The following MTHFD2L variants were observed in gnomAD, a reference collection of about 807,000 sequenced individuals.
MTHFD2L encodes methylenetetrahydrofolate dehydrogenase (NADP+ dependent) 2 like.
In MTHFD2L, 29 loss-of-function variants were observed where a neutral mutation model predicts 34.9. That is an observed-to-expected ratio of 0.83 (90% CI 0.62 to 1.13). MTHFD2L has a LOEUF of 1.13. Among genes scored for constraint, MTHFD2L ranks in the 50% most tolerant of loss-of-function variants. MTHFD2L has a pLI of 0.00. For missense variants in MTHFD2L, 481 were observed against 446.5 expected (o/e 1.08, Z -0.70); for synonymous variants, 167 against 155.7 (o/e 1.07, Z -0.54).
At chr4:74,118,781 T>C (rs1721699312), upstream of MTHFD2L, among the ~76,000 whole-genome samples, 1 of 152,214 alleles carries the variant, frequency 6.6e-6, no homozygotes, top group South Asian at 2.1e-4. Context: ...GAGCAAAGCT[T>C]CATCTGTATT....
intron 1 of MTHFD2L, among the ~76,000 whole-genome samples, chr4:74,131,321 C>T (rs1722479643): frequency 6.6e-6 from 1 of 152,166 alleles, no homozygotes; most frequent in African/African-American, 2.4e-5. Flanking sequence ...ATCATGCTAC[C>T]TGACTTCAAA....
chr4:74,202,915 A>G (rs1381750407), intron 5 of MTHFD2L, among the ~76,000 whole-genome samples: 1 of 152,054 alleles, frequency 6.6e-6, no homozygotes, highest in African/African-American at 2.4e-5. Flanking sequence ...ATATATATAG[A>G]TTTCTTATTA....
At chr4:74,166,200 A>C (rs560837426) in intron 1 of MTHFD2L, among the ~76,000 whole-genome samples, 1 of 152,366 alleles carries the variant, frequency 6.6e-6, no homozygotes, top group Admixed American at 6.5e-5. Flanking sequence ...CACACTGGAA[A>C]CAGTGGAAGG....
intron 7 of MTHFD2L, among the ~76,000 whole-genome samples, chr4:74,291,473 A>G (rs1237274750): frequency 6.6e-6 from 1 of 152,200 alleles, no homozygotes; most frequent in African/African-American, 2.4e-5. Flanking sequence ...AAAAGCTTTC[A>G]TGCAGAGTAA....
intron 1 of MTHFD2L, among the ~76,000 whole-genome samples, chr4:74,162,721 A>G (rs1473858490): frequency 6.6e-6 from 1 of 152,172 alleles, no homozygotes; most frequent in Non-Finnish European, 1.5e-5. Context: ...CACTATTACT[A>G]TTCCCAGTTA....
rs1405871523 is a variant in MTHFD2L, at chr4:74,260,101, T to C, written c.806-21324T>C. Among the ~76,000 whole-genome samples the C allele has an allele frequency of 3.3e-5, 5 of 152,328 alleles. No individual in the cohort carries two copies. In the East Asian group the frequency reaches 9.6e-4, roughly 29 times the overall value. On this transcript the variant is annotated intron_variant, in intron 6 of 7. Transcript: ENST00000325278. ...GTAGTTCTGGCTCTGCCAACTCTCC[T>C]GGAAGTTCTCTGTGTCAACTCAATT...
chr4:74,248,428 C>T (rs1413010090), intron 6 of MTHFD2L, among the ~76,000 whole-genome samples: 1 of 152,044 alleles, frequency 6.6e-6, no homozygotes, highest in African/African-American at 2.4e-5. Context: ...TTTCAAAAAA[C>T]CAGCTCCCGG....
chr4:74,175,438 TA>T (rs1447985616), intron 3 of MTHFD2L, 35 bp downstream of exon 3: 1 of 1,577,894 alleles, frequency 6.3e-7, no homozygotes, highest in Non-Finnish European at 8.6e-7. Context: ...CTGATTTTGT[TA>T]AAAGTGAAAC....
intron 6 of MTHFD2L, 30 bp downstream of exon 6, chr4:74,225,424 A>G (rs961648124): frequency 1.3e-6 from 2 of 1,560,606 alleles, no homozygotes; most frequent in African/African-American, 1.4e-5. Flanking sequence ...TATTTTTTGG[A>G]ATGTCATCAG....
intron 6 of MTHFD2L, among the ~76,000 whole-genome samples, chr4:74,250,118 A>G (rs998499627): frequency 4.1e-4 from 62 of 152,312 alleles, no homozygotes; most frequent in African/African-American, 1.1e-3. Flanking sequence ...AGGTACACCA[A>G]TCAGACGCAG....
intron 6 of MTHFD2L, among the ~76,000 whole-genome samples, chr4:74,226,485 A>G (rs994996228): frequency 1.3e-5 from 2 of 152,172 alleles, no homozygotes; most frequent in Non-Finnish European, 2.9e-5. Context: ...TACTTATTAT[A>G]TTTCATAAGA....
intron 7 of MTHFD2L, among the ~76,000 whole-genome samples, 165 bp from the exon 8 acceptor site, chr4:74,301,532 C>CGTGTGTGTGTGTGTGTGTGT (rs72168468): frequency 6.8e-6 from 1 of 146,062 alleles, no homozygotes; most frequent in Non-Finnish European, 1.5e-5. Flanking sequence ...TGAGTGTGAG[C>CGTGTGTGTGTGTGTGTGTGT]GTGTGTGTGT....
Position 74,160,302 on chromosome 4 carries a change from T to G in MTHFD2L, c.143+2021T>G, listed in dbSNP as rs557501489. ...CCCAGTGATATTGACTGTTTTAAAT[T>G]AACAGATTTATCACCATTTCTGAGC... is the stretch of plus-strand genomic sequence containing the variant. On this transcript the variant is annotated intron_variant, in intron 1 of 7. Transcript: ENST00000325278. 1.3e-4 allele frequency: 41 copies of G among 319,500 alleles called. No homozygotes were observed. The East Asian group carries it at 3.4e-3, about 26-fold the overall frequency. 19.8% of individuals were successfully genotyped at this position (319,500 alleles called of 1,614,324 possible).
At chr4:74,127,335 A>C (rs1392252823) in intron 1 of MTHFD2L, among the ~76,000 whole-genome samples, 3 of 152,204 alleles carry the variant, frequency 2.0e-5, no homozygotes, top group African/African-American at 7.2e-5. Flanking sequence ...ACTATGGAAC[A>C]CAATGTCTTA....
At chr4:74,297,028 T>C (rs1451459277) in intron 7 of MTHFD2L, among the ~76,000 whole-genome samples, 1 of 152,102 alleles carries the variant, frequency 6.6e-6, no homozygotes, top group Non-Finnish European at 1.5e-5. Context: ...TTAAATCTCT[T>C]TTATTTTTGT....
intron 1 of MTHFD2L, among the ~76,000 whole-genome samples, chr4:74,172,604 A>T (rs1422970659): frequency 2.0e-5 from 3 of 152,236 alleles, no homozygotes; most frequent in Non-Finnish European, 2.9e-5. Flanking sequence ...AAACATGGTC[A>T]TACACAAGAA....
At chr4:74,295,982 A>G (rs1749584032) in intron 7 of MTHFD2L, among the ~76,000 whole-genome samples, 1 of 152,168 alleles carries the variant, frequency 6.6e-6, no homozygotes, top group Non-Finnish European at 1.5e-5. Context: ...AGCACATATC[A>G]CTGCCGTGGC....
At chr4:74,170,991 G>C (rs1463915236) in intron 1 of MTHFD2L, among the ~76,000 whole-genome samples, 1 of 118,446 alleles carries the variant, frequency 8.4e-6, no homozygotes, top group Non-Finnish European at 1.7e-5. Context: ...GGTGGGGGGA[G>C]GGGGGAGGGA....
At chr4:74,226,371 C>T (rs1739162842) in intron 6 of MTHFD2L, among the ~76,000 whole-genome samples, 1 of 152,122 alleles carries the variant, frequency 6.6e-6, no homozygotes, top group Non-Finnish European at 1.5e-5. Context: ...CTACTGAGTA[C>T]TAGGTTGGGT....
Sources: allele counts gnomAD v4.1 joint callset (sites outside exome capture counted in the v4.1 genomes callset), GRCh38; gene constraint gnomAD v4.1.1; transcripts MANE v1.5; gene names NCBI Gene and HGNC (gene_info 2026-07-23, HGNC 2026-07-21).